SYNPO: variants seen among roughly 807,000 people sequenced by gnomAD.
SYNPO encodes synaptopodin.
Under a neutral mutation model 49.5 loss-of-function variants are expected in SYNPO, and 19 were observed. The ratio of observed to expected loss-of-function variants is 0.38; its 90% CI spans 0.27 to 0.56. SYNPO has a LOEUF of 0.56. Ranked by LOEUF, SYNPO falls within the 20% of genes least tolerant of loss-of-function variation. SYNPO has a pLI of 0.68. For missense variants in SYNPO, 1,131 were observed against 1,248.3 expected, an observed-to-expected ratio of 0.91 and a Z score of 1.42; for synonymous variants, 536 against 548.0, an observed-to-expected ratio of 0.98 and a Z score of 0.31.
intron 2 of SYNPO, among the ~76,000 whole-genome samples, chr5:150,620,761 A>G (rs1757126183): frequency 6.6e-6 from 1 of 152,116 alleles, no homozygotes; most frequent in African/African-American, 2.4e-5. Flanking sequence ...TCCCCATTTT[A>G]CAGGTGAGGC....
intron 1 of SYNPO, among the ~76,000 whole-genome samples, chr5:150,601,725 G>A (rs1325273402): frequency 6.6e-6 from 1 of 152,166 alleles, no homozygotes; most frequent in Non-Finnish European, 1.5e-5. Context: ...TGCCCCCTGG[G>A]AGGGTCCTCT....
intron 2 of SYNPO, among the ~76,000 whole-genome samples, chr5:150,619,561 G>A (rs1757087369): frequency 6.6e-6 from 1 of 152,144 alleles, no homozygotes; most frequent in African/African-American, 2.4e-5. Context: ...GGAAGCCCAC[G>A]CTGAATCACC....
chr5:150,631,230 C>T (rs1757525303), intron 2 of SYNPO, among the ~76,000 whole-genome samples: 1 of 152,222 alleles, frequency 6.6e-6, no homozygotes, highest in East Asian at 1.9e-4. Context: ...CCTGCGGGGA[C>T]AGGCAGACTG....
intron 2 of SYNPO, among the ~76,000 whole-genome samples, chr5:150,621,704 G>C (rs1251615364): frequency 1.3e-5 from 2 of 152,236 alleles, no homozygotes; most frequent in Non-Finnish European, 2.9e-5. Flanking sequence ...GGGCACTGCA[G>C]ATACCTTTGT....
chr5:150,598,797 G>A (rs998636873), upstream of SYNPO, among the ~76,000 whole-genome samples: 2 of 152,158 alleles, frequency 1.3e-5, no homozygotes, highest in Non-Finnish European at 2.9e-5. Flanking sequence ...TGATGGTGGC[G>A]GTGGAAGGCA....
At chr5:150,619,185 G>A (rs10068680) in intron 2 of SYNPO, among the ~76,000 whole-genome samples, 11,574 of 152,092 alleles carry the variant, frequency 0.076, 1,007 homozygotes, top group East Asian at 0.27. Context: ...CTGGGGACGC[G>A]GCACTGGACC....
exon 2 of SYNPO, chr5:150,618,424 C>A: frequency 6.4e-7 from 1 of 1,551,640 alleles, no homozygotes; most frequent in Non-Finnish European, 8.7e-7. Context: ...GGAGGCCTAC[C>A]CCCTGCGCCT....
chr5:150,632,009 C>T (rs1757557807), intron 2 of SYNPO, among the ~76,000 whole-genome samples: 2 of 152,150 alleles, frequency 1.3e-5, no homozygotes, highest in African/African-American at 2.4e-5. Flanking sequence ...GCTGCCTGTC[C>T]CCTGTTCCAT....
chr5:150,654,774 G>A (rs1758500369), intron 2 of SYNPO, among the ~76,000 whole-genome samples: 1 of 152,200 alleles, frequency 6.6e-6, no homozygotes, highest in African/African-American at 2.4e-5. Flanking sequence ...ATGATGAGGT[G>A]ACCATGGCAA....
At chr5:150,622,287 G>A (rs769239447) in intron 2 of SYNPO, among the ~76,000 whole-genome samples, 4 of 152,200 alleles carry the variant, frequency 2.6e-5, no homozygotes, top group Non-Finnish European at 4.4e-5. Flanking sequence ...TGAACCCCAG[G>A]AGGTCTGGGC....
chr5:150,652,012 T>G (rs1019980832), intron 2 of SYNPO: 1 of 1,000,136 alleles, frequency 1.0e-6, no homozygotes, highest in African/African-American at 1.8e-5. Context: ...GGGCAAGGGG[T>G]GGTGGAGGCA....
At chr5:150,592,681 T>C in the SYNPO span, among the ~76,000 whole-genome samples, 3 of 152,228 alleles carry the variant, frequency 2.0e-5, no homozygotes, top group Non-Finnish European at 4.4e-5. Flanking sequence ...CATTGAGCCA[T>C]AGCCTGGAAG....
intron 2 of SYNPO, among the ~76,000 whole-genome samples, chr5:150,632,448 A>C (rs1757572216): frequency 6.6e-6 from 1 of 152,148 alleles, no homozygotes; most frequent in South Asian, 2.1e-4. Context: ...GCACCCACCC[A>C]CTGTATATTT....
chr5:150,655,773 C>G (rs940488230), intron 2 of SYNPO, among the ~76,000 whole-genome samples: 1 of 152,194 alleles, frequency 6.6e-6, no homozygotes, highest in African/African-American at 2.4e-5. Context: ...CTGCCTCAGC[C>G]CCCGCAGTAG....
At position 150,618,462 on chromosome 5, in the gene SYNPO, G is replaced by A. The variant is rs762227444; in HGVS notation, c.95G>A (p.Cys32Tyr). Residue 32 changes from cysteine (C) to tyrosine (Y), a missense_variant, in exon 2 of 3, where the codon TGT becomes TAT. Physicochemically the swap from Cys to Tyr is radical, Grantham distance 194. Transcript: ENST00000394243. ...CAGATCCCTGATGGAAGCTACAGGT[G>A]TCTGGCTCTGGAAGCCGAGGAGAGC... is the stretch of plus-strand genomic sequence containing the variant. The A allele has an allele frequency of 1.9e-6, 3 of 1,551,656 alleles. 1 individual carries two copies. Among genetic ancestry groups the A allele is most frequent in the South Asian group, 2.4e-5 (2 of 84,058 alleles).
chr5:150,616,721 C>A (rs569952806), intron 1 of SYNPO, among the ~76,000 whole-genome samples: 3 of 152,130 alleles, frequency 2.0e-5, no homozygotes, highest in Non-Finnish European at 4.4e-5. Flanking sequence ...TCTCTGTCAC[C>A]AGAGCTAGGA....
At chr5:150,636,833 G>A (rs1195015680), upstream of SYNPO, among the ~76,000 whole-genome samples, 1 of 152,098 alleles carries the variant, frequency 6.6e-6, no homozygotes, top group Non-Finnish European at 1.5e-5. Flanking sequence ...GGGTTGGACT[G>A]TGTCTGATAA....
intron 1 of SYNPO, among the ~76,000 whole-genome samples, chr5:150,643,956 C>G (rs1758000851): frequency 6.6e-6 from 1 of 152,008 alleles, no homozygotes; most frequent in Non-Finnish European, 1.5e-5. Flanking sequence ...GGGTGGATCA[C>G]TTGAGCTCAG....
intron 2 of SYNPO, chr5:150,654,056 G>A (rs1411931615): frequency 1.3e-5 from 2 of 152,194 alleles, no homozygotes; most frequent in Non-Finnish European, 2.9e-5. Context: ...CTCTCAGTTG[G>A]ATGAGAGGAT....
Sources: gnomAD v4.1 joint callset for allele counts (sites outside exome capture counted in the v4.1 genomes callset) on GRCh38, gnomAD v4.1.1 for gene constraint, MANE v1.5 for transcripts, NCBI Gene and HGNC (gene_info 2026-07-23, HGNC 2026-07-21) for gene names.